ELMO2: variants seen among roughly 807,000 people sequenced by gnomAD.
The protein encoded by ELMO2 is engulfment and cell motility 2, also known as engulfment and cell motility protein 2.
ELMO2 carries 37 observed loss-of-function variants against 96.2 expected under a neutral mutation model. That is an observed-to-expected ratio of 0.38 (90% CI 0.30 to 0.51). The LOEUF is 0.51. ELMO2 is among the 20% of genes least tolerant of loss of function. The probability of loss-of-function intolerance (pLI) is 0.88; values close to 1 mark genes in which losing one functional copy is unlikely to be tolerated. For synonymous variants in ELMO2, 315 were observed against 329.4 expected (o/e 0.96, Z 0.47); for missense variants, 561 against 912.6 (o/e 0.61, Z 4.96).
intron 9 of ELMO2, among the ~76,000 whole-genome samples, chr20:46,385,782 A>C (rs942671442): frequency 1.3e-5 from 2 of 152,212 alleles, no homozygotes; most frequent in Admixed American, 6.5e-5. Context: ...GATAATAAAA[A>C]TCCAGTATTT....
chr20:46,404,984 T>TAGGA (rs1203495777), intron 1 of ELMO2, among the ~76,000 whole-genome samples: 1 of 152,102 alleles, frequency 6.6e-6, no homozygotes, highest in Non-Finnish European at 1.5e-5. Context: ...CCCCTGCAGG[T>TAGGA]AGGACATCAG....
At chr20:46,376,460 C>A (rs2059861554) in intron 11 of ELMO2, among the ~76,000 whole-genome samples, 1 of 152,092 alleles carries the variant, frequency 6.6e-6, no homozygotes, top group South Asian at 2.1e-4. Flanking sequence ...TGTGCCCCCA[C>A]ATTCCCCTGT....
intron 9 of ELMO2, among the ~76,000 whole-genome samples, chr20:46,384,449 A>T (rs1357719331): frequency 6.6e-6 from 1 of 152,094 alleles, no homozygotes; most frequent in Admixed American, 6.5e-5. Flanking sequence ...AAAGCATATA[A>T]GTTCTGGTGA....
intron 11 of ELMO2, among the ~76,000 whole-genome samples, chr20:46,379,729 A>G (rs2059922777): frequency 6.6e-6 from 1 of 152,076 alleles, no homozygotes; most frequent in African/African-American, 2.4e-5. Flanking sequence ...ACATTCCTCT[A>G]AAAGTTTCCG....
At position 46,386,121 on chromosome 20, in the gene ELMO2, C is replaced by T. The variant is rs755621770; in HGVS notation, c.677+3G>A. On this transcript the variant is annotated splice_donor_region_variant and intron_variant, in intron 9 of 21. Transcript: ENST00000290246. ...GGAGGGAGGTGTAGGGTTTTTTACT[C>T]ACACCTGGAGGTGTGAGATGAGCTG... The T allele has an allele frequency of 2.6e-5, 42 of 1,611,176 alleles. 1 individual carries two copies. The Admixed American group carries it at 3.2e-4, about 12-fold the overall frequency.
chr20:46,367,622 A>C, intron 21 of ELMO2, 62 bp from the exon 22 acceptor site: 1 of 1,416,736 alleles, frequency 7.1e-7, no homozygotes, highest in Non-Finnish European at 9.6e-7. Context: ...GATCCTGCCA[A>C]GGTCTCTTTT....
chr20:46,390,211 T>C (rs1250636567), intron 6 of ELMO2, among the ~76,000 whole-genome samples: 1 of 152,060 alleles, frequency 6.6e-6, no homozygotes, highest in Non-Finnish European at 1.5e-5. Flanking sequence ...CAGAAGAGGT[T>C]TCTCTTGAGG....
chr20:46,389,047 G>A lies in ELMO2; in HGVS notation c.417C>T (p.Leu139=), dbSNP rs2060100842. ...ACCTTAGTCATACTCACTGGGACAA[G>A]AGCTTGGTTCCACTTTCCACGAGCC... is the stretch of plus-strand genomic sequence containing the variant. ...LTRLVESGTK[L]LSHYSEMLAF... Residue 139 remains leucine, a synonymous_variant, in exon 7 of 22, where the codon CTC becomes CTT. Coordinates refer to ENST00000290246, the MANE Select transcript of ELMO2 (RefSeq NM_133171.5). 1 of 1,613,760 alleles carries A rather than the reference G, an allele frequency of 6.2e-7. No homozygotes were observed. Among genetic ancestry groups the A allele is most frequent in the Non-Finnish European group, 8.5e-7 (1 of 1,179,764 alleles).
chr20:46,393,921 T>C (rs1159837410), intron 4 of ELMO2, 128 bp downstream of exon 4: 2 of 1,261,056 alleles, frequency 1.6e-6, no homozygotes, highest in African/African-American at 3.0e-5. Flanking sequence ...CCCAAGACAA[T>C]GATTCCCAAG....
rs60843274 is a variant in ELMO2 at position 46,374,098 on chromosome 20, G to GTT, written c.1279+232_1279+233dup. Reference sequence around the variant, plus strand: ...TGCACTACCAGTTGGCTAATTTTTGGTTTTTTTTTTTTTTTTTTTTTTTTT... The same window carrying GTT: ...TGCACTACCAGTTGGCTAATTTTTGGTTTTTTTTTTTTTTTTTTTTTTTTTTT... On this transcript the variant is annotated intron_variant, in intron 15 of 21. Coordinates refer to ENST00000290246, the MANE Select transcript of ELMO2 (RefSeq NM_133171.5). Among the ~76,000 whole-genome samples, 91 of 63,048 alleles carry GTT rather than the reference G, an allele frequency of 1.4e-3. 2 individuals are homozygous for GTT. The highest frequency in any genetic ancestry group is 4.1e-3 in the African/African-American group (66 of 16,090). 41.4% of individuals were successfully genotyped at this position (63,048 alleles called of 152,430 possible).
intron 20 of ELMO2, chr20:46,370,077 C>A: frequency 2.6e-6 from 1 of 380,908 alleles, no homozygotes. Flanking sequence ...AAGTCACCAT[C>A]AGTGGAATAT....
At chr20:46,373,251 G>T in intron 16 of ELMO2, 148 bp downstream of exon 16, 1 of 1,056,780 alleles carries the variant, frequency 9.5e-7, no homozygotes, top group Non-Finnish European at 1.3e-6. Context: ...ATGGGGCTGA[G>T]GCTCCCCAGT....
chr20:46,376,480 ACCT>A (rs2059862104), intron 11 of ELMO2, among the ~76,000 whole-genome samples: 1 of 148,370 alleles, frequency 6.7e-6, no homozygotes, highest in African/African-American at 2.5e-5. Flanking sequence ...TCGGTTCATC[ACCT>A]CCTCCTTTGT....
intron 20 of ELMO2, chr20:46,369,177 A>G: frequency 1.9e-6 from 1 of 514,286 alleles, no homozygotes; most frequent in African/African-American, 1.9e-5. Flanking sequence ...CCCAAGTCAC[A>G]TCAAAGATGT....
intron 1 of ELMO2, among the ~76,000 whole-genome samples, chr20:46,402,467 C>A (rs1239299000): frequency 6.6e-6 from 1 of 152,206 alleles, no homozygotes; most frequent in Non-Finnish European, 1.5e-5. Context: ...AACCACTTAC[C>A]TCAGTTTTTG....
At position 46,367,548 on chromosome 20, in the gene ELMO2, T is replaced by C. The variant is rs759832161; in HGVS notation, c.1975A>G (p.Ile659Val). The change falls in exon 22 of 22, where the codon ATT becomes GTT. Residue 659 changes from isoleucine (I) to valine (V), a missense_variant. Ile to Val is a conservative substitution (Grantham distance 29). Coordinates refer to ENST00000290246, the MANE Select transcript of ELMO2 (RefSeq NM_133171.5). ...APNKYEYCIWIDGLSALLGKD... is the reference protein window; with the variant it reads ...APNKYEYCIWVDGLSALLGKD... The stretch of plus-strand genomic sequence containing the variant: ...CCCAGAAGGGCACTGAGGCCATCAA[T>C]CCAGATGCAGTACTGTGGGGAGCAA... 1 of 1,612,418 alleles carries C rather than the reference T, an allele frequency of 6.2e-7. No individual in the cohort carries two copies. The highest frequency in any genetic ancestry group is 2.2e-5 in the East Asian group (1 of 44,686).
At chr20:46,372,072 G>A (rs748257472) in intron 16 of ELMO2, 103 bp from the exon 17 acceptor site, 1 of 1,459,280 alleles carries the variant, frequency 6.9e-7, no homozygotes, top group Non-Finnish European at 9.4e-7. Flanking sequence ...GTCTTGAGCA[G>A]GGCAGGCACT....
At chr20:46,380,730 A>C (rs2059941006) in intron 10 of ELMO2, among the ~76,000 whole-genome samples, 1 of 152,202 alleles carries the variant, frequency 6.6e-6, no homozygotes, top group Admixed American at 6.5e-5. Flanking sequence ...CAAACAAGGA[A>C]GGGCTTTGGT....
chr20:46,374,691 AGGGAC>A (rs781120995), intron 13 of ELMO2, 51 bp from the exon 14 acceptor site: 1 of 1,506,622 alleles, frequency 6.6e-7, no homozygotes, highest in Non-Finnish European at 9.2e-7. Context: ...CCGTGTATGC[AGGGAC>A]CTGAGGGGAT....
Sources: allele counts gnomAD v4.1 joint callset (sites outside exome capture counted in the v4.1 genomes callset), GRCh38; gene constraint gnomAD v4.1.1; transcripts MANE v1.5; gene names NCBI Gene and HGNC (gene_info 2026-07-23, HGNC 2026-07-21).